Variants in FOXP2 observed in about 807,000 individuals in gnomAD.
The protein encoded by FOXP2 is forkhead box protein P2.
A neutral mutation model predicts 115.8 loss-of-function variants in FOXP2; 12 were observed. That is an observed-to-expected ratio of 0.10 (90% CI 0.07 to 0.17). The LOEUF is 0.17. FOXP2 is among the 10% of genes least tolerant of loss of function. FOXP2 has a pLI of 1.00. For missense variants in FOXP2, 629 were observed against 843.5 expected (o/e 0.75, Z 3.15); for synonymous variants, 328 against 297.7 (o/e 1.10, Z -1.05).
intron 1 of FOXP2, among the ~76,000 whole-genome samples, chr7:114,250,320 A>G (rs1267261105): frequency 6.6e-6 from 1 of 152,158 alleles, no homozygotes; most frequent in East Asian, 1.9e-4. Flanking sequence ...CAGTAATGGG[A>G]TGGCTGGGTC....
At position 114,181,403 on chromosome 7, in the gene FOXP2, A is replaced by C. The variant is rs570529450; in HGVS notation, c.-102+18315A>C. Among the ~76,000 whole-genome samples, 5 of 152,084 alleles carry C rather than the reference A, an allele frequency of 3.3e-5. No individual in the cohort carries two copies. The South Asian group carries it at 6.2e-4, about 19-fold the overall frequency. The stretch of plus-strand genomic sequence containing the variant: ...TGTATAGTGATCCTCCAAAGATCTC[A>C]TGCCCTCCATGTCTCTTTGCATACT... On this transcript the variant is annotated intron_variant, in intron 1 of 17. Transcript: ENST00000634411.
At chr7:114,599,064 TTTTATCCTCGAC>T (rs1802877518) in intron 3 of FOXP2, among the ~76,000 whole-genome samples, 1 of 152,158 alleles carries the variant, frequency 6.6e-6, no homozygotes, top group Non-Finnish European at 1.5e-5. Context: ...CCCTATACTT[TTTTATCCTCGAC>T]TTTATTGTAC....
chr7:114,242,627 G>C (rs1795184049), intron 1 of FOXP2, among the ~76,000 whole-genome samples: 1 of 152,106 alleles, frequency 6.6e-6, no homozygotes, highest in African/African-American at 2.4e-5. Context: ...GGAGCCAATG[G>C]CTCTTTTAAT....
intron 2 of FOXP2, among the ~76,000 whole-genome samples, chr7:114,514,086 T>C (rs1584832526): frequency 6.7e-6 from 1 of 148,426 alleles, no homozygotes; most frequent in African/African-American, 2.5e-5. Flanking sequence ...TTGTATCTTA[T>C]ACACACACAC....
Position 114,689,862 on chromosome 7 carries a change from A to C in FOXP2, c.2084A>C (p.His695Pro), listed in dbSNP as rs928369081. The C allele has an allele frequency of 1.3e-5, 21 of 1,613,476 alleles. No homozygotes were observed. The Admixed American group carries it at 2.3e-4, about 18-fold the overall frequency. ...ATGTCCTTAGTGACAACAGCTAATCACAGTCCAGAATTAGAAGACGACAGA... is the reference window on the plus strand; with the variant it reads ...ATGTCCTTAGTGACAACAGCTAATCCCAGTCCAGAATTAGAAGACGACAGA... ...CPMSLVTTAN[H>P]SPELEDDREI... is the part of the protein sequence containing the mutation. The change falls in exon 17 of 17, where the codon CAC (histidine) becomes CCC (proline). Residue 695 changes from histidine (H) to proline (P), a missense_variant. By Grantham distance (77) the His-to-Pro change is moderately conservative. Around this residue, in one of 9 missense-constraint regions of FOXP2, gnomAD observed 117 missense variants for 112.3 expected, o/e 1.04. Transcript: ENST00000350908.
At chr7:114,304,396 G>A (rs1464633041) in intron 2 of FOXP2, among the ~76,000 whole-genome samples, 2 of 151,730 alleles carry the variant, frequency 1.3e-5, no homozygotes, top group African/African-American at 2.4e-5. Flanking sequence ...TAGATGCTGG[G>A]CATGGTGACT....
intron 16 of FOXP2, among the ~76,000 whole-genome samples, chr7:114,681,391 G>T (rs545823090): frequency 1.4e-4 from 22 of 152,146 alleles, no homozygotes; most frequent in African/African-American, 5.1e-4. Context: ...TCATTATTTA[G>T]TCATATTAAG....
At chr7:114,478,659 G>A (rs539978000) in intron 2 of FOXP2, among the ~76,000 whole-genome samples, 1 of 151,790 alleles carries the variant, frequency 6.6e-6, no homozygotes, top group Non-Finnish European at 1.5e-5. Flanking sequence ...TGATGGAGTA[G>A]AGAGTTCTGC....
At chr7:114,613,032 A>T (rs1803717054) in intron 3 of FOXP2, among the ~76,000 whole-genome samples, 1 of 152,166 alleles carries the variant, frequency 6.6e-6, no homozygotes, top group Non-Finnish European at 1.5e-5. Flanking sequence ...TTTTATAATA[A>T]CTTAAATCTG....
rs549440937 is a variant in FOXP2, at chr7:114,377,344, G to T, written c.-10-49158G>T. Among the ~76,000 whole-genome samples the T allele has an allele frequency of 4.0e-4, 61 of 152,178 alleles. 1 individual carries two copies. The highest frequency in any genetic ancestry group is 3.4e-3 in the Middle Eastern group (1 of 294). On this transcript the variant is annotated intron_variant, in intron 2 of 17. Coordinates refer to the FOXP2 transcript ENST00000634411. ...GGGTAAAAAGGAAAAGTTAAGAGTT[G>T]GAAGTAAACAATTAGCAGACATTGC...
intron 2 of FOXP2, among the ~76,000 whole-genome samples, chr7:114,481,806 ATC>A (rs1584789919): frequency 3.4e-5 from 5 of 148,528 alleles, no homozygotes; most frequent in African/African-American, 7.7e-5. Flanking sequence ...CTATCTATCT[ATC>A]TATATATCTA....
chr7:114,350,515 T>C (rs1438067364), intron 2 of FOXP2, among the ~76,000 whole-genome samples: 1 of 152,178 alleles, frequency 6.6e-6, no homozygotes, highest in Non-Finnish European at 1.5e-5. Context: ...ACTTGCAGGG[T>C]ACTGCTAACA....
intron 3 of FOXP2, among the ~76,000 whole-genome samples, chr7:114,583,123 A>G (rs1801952109): frequency 6.6e-6 from 1 of 152,168 alleles, no homozygotes; most frequent in African/African-American, 2.4e-5. Flanking sequence ...CACACCTGTA[A>G]TCCCAGCACT....
intron 1 of FOXP2, among the ~76,000 whole-genome samples, chr7:114,211,516 G>A (rs1584548505): frequency 6.6e-6 from 1 of 152,232 alleles, no homozygotes; most frequent in South Asian, 2.1e-4. Flanking sequence ...TGCCTAGTCA[G>A]TCCCAATGGG....
intron 2 of FOXP2, among the ~76,000 whole-genome samples, chr7:114,498,429 C>T (rs1336218681): frequency 6.6e-6 from 1 of 152,058 alleles, no homozygotes; most frequent in Non-Finnish European, 1.5e-5. Context: ...GAAAGGTAAT[C>T]ATCTAAGTAA....
intron 2 of FOXP2, among the ~76,000 whole-genome samples, chr7:114,475,063 A>T (rs1401631109): frequency 2.0e-5 from 3 of 152,090 alleles, no homozygotes; most frequent in African/African-American, 4.8e-5. Context: ...ACCATAATAA[A>T]GCATGCATCC....
chr7:114,246,689 T>C (rs1795293046), intron 1 of FOXP2, among the ~76,000 whole-genome samples: 1 of 152,252 alleles, frequency 6.6e-6, no homozygotes, highest in African/African-American at 2.4e-5. Flanking sequence ...GGGATTCAGG[T>C]CACACAACTA....
At chr7:114,109,978 A>C (rs1791221450) in intron 1 of FOXP2, among the ~76,000 whole-genome samples, 1 of 152,148 alleles carries the variant, frequency 6.6e-6, no homozygotes, top group African/African-American at 2.4e-5. Context: ...TCTAAAAATA[A>C]CTTGCTGTTG....
intron 3 of FOXP2, among the ~76,000 whole-genome samples, chr7:114,567,810 GT>G (rs1189766698): frequency 6.6e-6 from 1 of 151,992 alleles, no homozygotes; most frequent in East Asian, 1.9e-4. Context: ...CCAACATTCT[GT>G]CTCTGCCTGT....
Sources: allele counts gnomAD v4.1 joint callset (sites outside exome capture counted in the v4.1 genomes callset), GRCh38; gene constraint gnomAD v4.1.1; regional missense constraint gnomAD v4.1.1; transcripts MANE v1.5; gene names NCBI Gene and HGNC (gene_info 2026-07-23, HGNC 2026-07-21).